Variants in INSYN2A observed in about 807,000 individuals in gnomAD.
INSYN2A encodes the protein inhibitory synaptic factor 2A.
A neutral mutation model predicts 39.4 loss-of-function variants in INSYN2A; 17 were observed. The observed-to-expected ratio is 0.43, with a 90% CI of 0.30 to 0.65. The LOEUF (loss-of-function observed/expected upper bound fraction) is 0.65. INSYN2A is among the 30% of genes least tolerant of loss of function. The probability of loss-of-function intolerance (pLI) is 0.14; values close to 1 mark genes in which losing one functional copy is unlikely to be tolerated. For synonymous variants in INSYN2A, 255 were observed against 265.7 expected (o/e 0.96, Z 0.39); for missense variants, 595 against 631.2 (o/e 0.94, Z 0.61).
At chr10:127,172,837 G>T (rs1199613181) in intron 4 of INSYN2A, among the ~76,000 whole-genome samples, 1 of 152,136 alleles carries the variant, frequency 6.6e-6, no homozygotes, top group Non-Finnish European at 1.5e-5. Context: ...CATGTTCTGG[G>T]ATACCGGAGT....
At chr10:127,184,405 C>A (rs1002721433) in intron 2 of INSYN2A, among the ~76,000 whole-genome samples, 1 of 149,982 alleles carries the variant, frequency 6.7e-6, no homozygotes, top group African/African-American at 2.5e-5. Flanking sequence ...GATTTCTTCC[C>A]TTTAGTTCCA....
chr10:127,193,399 C>A (rs1392854521), intron 1 of INSYN2A, among the ~76,000 whole-genome samples: 1 of 152,184 alleles, frequency 6.6e-6, no homozygotes, highest in Non-Finnish European at 1.5e-5. Context: ...GCGTTAAAAT[C>A]CGTGGTGAAC....
intron 5 of INSYN2A, among the ~76,000 whole-genome samples, chr10:127,151,197 G>A (rs1376777455): frequency 6.6e-6 from 1 of 152,140 alleles, no homozygotes; most frequent in Non-Finnish European, 1.5e-5. Context: ...TAACATGATA[G>A]GGAGTTTAGG....
intron 4 of INSYN2A, among the ~76,000 whole-genome samples, chr10:127,159,507 A>G (rs747130024): frequency 6.6e-6 from 1 of 152,192 alleles, no homozygotes; most frequent in Admixed American, 6.5e-5. Flanking sequence ...TTTTGTGTGT[A>G]AATACACACA....
intron 4 of INSYN2A, among the ~76,000 whole-genome samples, chr10:127,172,308 C>T (rs2054648860): frequency 6.6e-6 from 1 of 152,122 alleles, no homozygotes; most frequent in Non-Finnish European, 1.5e-5. Flanking sequence ...GCAGTATTTA[C>T]ACCATGGAAA....
At chr10:127,184,290 T>A (rs933486942) in intron 2 of INSYN2A, among the ~76,000 whole-genome samples, 1 of 152,082 alleles carries the variant, frequency 6.6e-6, no homozygotes, top group Non-Finnish European at 1.5e-5. Context: ...CAACAAGTGC[T>A]GCCAACGGCT....
At chr10:127,162,568 G>C (rs1027309291) in intron 4 of INSYN2A, among the ~76,000 whole-genome samples, 2 of 152,124 alleles carry the variant, frequency 1.3e-5, no homozygotes, top group African/African-American at 4.8e-5. Context: ...AAAGTTCTCA[G>C]AATCACACAC....
chr10:127,145,381 G>T (rs1257354007), intron 5 of INSYN2A, among the ~76,000 whole-genome samples: 1 of 152,220 alleles, frequency 6.6e-6, no homozygotes, highest in Non-Finnish European at 1.5e-5. Context: ...AAGCCAGGAA[G>T]ACGAGTCATG....
rs539572809 is a variant in INSYN2A at position 127,190,895 on chromosome 10, A to C, written c.-269+1710T>G. Among the ~76,000 whole-genome samples the C allele has an allele frequency of 1.8e-3, 268 of 150,870 alleles. 1 individual carries two copies. Among genetic ancestry groups the C allele is most frequent in the African/African-American group, 6.2e-3 (254 of 41,078 alleles). On this transcript the variant is annotated intron_variant, in intron 2 of 5. Coordinates refer to ENST00000522781, the MANE Select transcript of INSYN2A (RefSeq NM_001039762.3). The stretch of plus-strand genomic sequence containing the variant: ...GTGACACCTTCTCAACTGGTCTCCA[A>C]CTCCTCTCCTCTGGTTTGCCTCTAG...
In INSYN2A at chr10:127,137,874, G is replaced by T; in HGVS notation, c.1403C>A (p.Ser468Tyr). The T allele has an allele frequency of 1.2e-6, 2 of 1,614,092 alleles. No individual in the cohort carries two copies. Among genetic ancestry groups the T allele is most frequent in the Non-Finnish European group, 1.7e-6 (2 of 1,180,006 alleles). ...STPKQKSKTESKKHGRWKLWF... is the reference protein window; with the variant it reads ...STPKQKSKTEYKKHGRWKLWF... The stretch of plus-strand genomic sequence containing the variant: ...GAGTTTCCATCTTCCGTGCTTTTTA[G>T]ATTCAGTTTTGGATTTTTGCTTGGG... The change falls in exon 6 of 6, where the codon TCT becomes TAT. Residue 468 changes from serine (S) to tyrosine (Y), a missense_variant. By Grantham distance (144) the Ser-to-Tyr change is moderately radical. This residue lies in a region of INSYN2A where 117 missense variants were observed against 163.8 expected (regional missense o/e 0.71). Transcript: ENST00000522781.
intron 4 of INSYN2A, among the ~76,000 whole-genome samples, chr10:127,154,998 A>G (rs1159330): frequency 0.21 from 32,458 of 151,882 alleles, 4,178 homozygotes; most frequent in South Asian, 0.29. Flanking sequence ...TATTTTCTGG[A>G]TATTATTTTG....
At chr10:127,151,570 G>C (rs1349209247) in intron 5 of INSYN2A, among the ~76,000 whole-genome samples, 1 of 152,140 alleles carries the variant, frequency 6.6e-6, no homozygotes, top group Non-Finnish European at 1.5e-5. Context: ...GGTGACAGTC[G>C]GGTCTGCAGG....
chr10:127,154,379 A>AAC (rs2052824890), intron 4 of INSYN2A, among the ~76,000 whole-genome samples: 1 of 152,272 alleles, frequency 6.6e-6, no homozygotes, highest in South Asian at 2.1e-4. Flanking sequence ...TTGTCCAGCA[A>AAC]ACTAAGAATG....
chr10:127,149,063 G>A (rs2052206662), intron 5 of INSYN2A, among the ~76,000 whole-genome samples: 1 of 152,128 alleles, frequency 6.6e-6, no homozygotes, highest in African/African-American at 2.4e-5. Context: ...TTGCCAATAA[G>A]GGAGAGGTGT....
At chr10:127,162,604 C>T (rs1204483963) in intron 4 of INSYN2A, among the ~76,000 whole-genome samples, 2 of 152,182 alleles carry the variant, frequency 1.3e-5, no homozygotes, top group East Asian at 3.8e-4. Flanking sequence ...AGCCAGGAAT[C>T]GAGATTTAAA....
chr10:127,138,182 G>A (rs917519609), intron 5 of INSYN2A, among the ~76,000 whole-genome samples, 162 bp from the exon 6 acceptor site: 2 of 152,150 alleles, frequency 1.3e-5, no homozygotes. Context: ...CTGTGCTCCC[G>A]TGAAATAGTT....
intron 4 of INSYN2A, among the ~76,000 whole-genome samples, chr10:127,157,670 T>C (rs1325515226): frequency 6.6e-6 from 1 of 152,228 alleles, no homozygotes; most frequent in African/African-American, 2.4e-5. Context: ...ATTCTTTTTT[T>C]AGCTAGTTGA....
chr10:127,136,141 G>A lies in INSYN2A; in HGVS notation c.*1696C>T, dbSNP rs1027035066. 3 of 152,160 alleles carry A rather than the reference G, an allele frequency of 2.0e-5. No homozygotes were observed. Among genetic ancestry groups the A allele is most frequent in the African/African-American group, 7.2e-5 (3 of 41,390 alleles). 9.4% of individuals were successfully genotyped at this position (152,160 alleles called of 1,614,324 possible). Reference sequence around the variant, plus strand: ...GTGTTTTAAATTAAAGCATACAACTGCAGTGTTGTTTGGCCCCCGAAGAAT... The same window carrying A: ...GTGTTTTAAATTAAAGCATACAACTACAGTGTTGTTTGGCCCCCGAAGAAT... On this transcript the variant is annotated 3_prime_UTR_variant, in exon 6 of 6. Transcript: ENST00000522781.
intron 4 of INSYN2A, among the ~76,000 whole-genome samples, chr10:127,157,958 AGC>A (rs1436290273): frequency 6.6e-6 from 1 of 152,240 alleles, no homozygotes; most frequent in South Asian, 2.1e-4. Context: ...AATTTTATTA[AGC>A]ACGAGAGTGT....
Sources: gnomAD v4.1 joint callset for allele counts (sites outside exome capture counted in the v4.1 genomes callset) on GRCh38, gnomAD v4.1.1 for gene constraint, gnomAD v4.1.1 regional missense constraint, MANE v1.5 for transcripts, NCBI Gene and HGNC (gene_info 2026-07-23, HGNC 2026-07-21) for gene names.